HDAC9: variants seen among roughly 807,000 people sequenced by gnomAD.
HDAC9 encodes the protein histone deacetylase 9, also known as MEF-2 interacting transcription repressor (MITR) protein.
A neutral mutation model predicts 139.4 loss-of-function variants in HDAC9; 41 were observed. The ratio of observed to expected loss-of-function variants is 0.29; its 90% CI spans 0.23 to 0.38. HDAC9 has a LOEUF of 0.38. Ranked by LOEUF, HDAC9 falls within the 10% of genes least tolerant of loss-of-function variation. HDAC9 has a pLI of 1.00. For missense variants in HDAC9, 1,147 were observed against 1,297.0 expected (o/e 0.88, Z 1.78); for synonymous variants, 517 against 476.2 (o/e 1.09, Z -1.12).
At chr7:18,104,080 A>G (rs1783031199) in intron 1 of HDAC9, among the ~76,000 whole-genome samples, 1 of 152,188 alleles carries the variant, frequency 6.6e-6, no homozygotes, top group South Asian at 2.1e-4. Flanking sequence ...TGTGGGAGGA[A>G]ACCGGAGTAC....
upstream of HDAC9, among the ~76,000 whole-genome samples, chr7:18,286,646 A>G (rs918210284): frequency 6.6e-6 from 1 of 151,850 alleles, no homozygotes; most frequent in African/African-American, 2.4e-5. Context: ...GAATTATAAA[A>G]AGAGAGGTTT....
chr7:18,756,639 A>C (rs879626366), intron 14 of HDAC9, among the ~76,000 whole-genome samples: 3 of 152,234 alleles, frequency 2.0e-5, no homozygotes, highest in Non-Finnish European at 4.4e-5. Context: ...TAAGGCTAAA[A>C]ATGAGCTTTG....
intron 1 of HDAC9, among the ~76,000 whole-genome samples, chr7:18,399,341 G>GA (rs966493935): frequency 2.6e-5 from 4 of 151,428 alleles, no homozygotes; most frequent in Non-Finnish European, 4.4e-5. Context: ...GTCACAAAAA[G>GA]AAAAAAAATG....
At chr7:18,756,787 C>G (rs1028929561) in intron 14 of HDAC9, among the ~76,000 whole-genome samples, 3 of 152,110 alleles carry the variant, frequency 2.0e-5, no homozygotes, top group Non-Finnish European at 2.9e-5. Context: ...TTGCAATTCT[C>G]TTTTTTTCCA....
intron 1 of HDAC9, among the ~76,000 whole-genome samples, chr7:18,384,294 G>T (rs951145822): frequency 6.6e-6 from 1 of 151,752 alleles, no homozygotes; most frequent in Non-Finnish European, 1.5e-5. Context: ...AGGGACAGAG[G>T]GAGATCCTAT....
At chr7:18,625,264 C>T (rs191943877) in intron 6 of HDAC9, among the ~76,000 whole-genome samples, 2 of 152,130 alleles carry the variant, frequency 1.3e-5, no homozygotes, top group Non-Finnish European at 2.9e-5. Context: ...CTAATAATCT[C>T]TCTTTTCTTT....
At chr7:18,809,379 A>C (rs1352141223) in intron 17 of HDAC9, among the ~76,000 whole-genome samples, 1 of 152,058 alleles carries the variant, frequency 6.6e-6, no homozygotes, top group Non-Finnish European at 1.5e-5. Flanking sequence ...CAAAGAAAAC[A>C]ATCGACAAAA....
intron 17 of HDAC9, among the ~76,000 whole-genome samples, chr7:18,815,326 A>G (rs1404416952): frequency 6.6e-6 from 1 of 152,040 alleles, no homozygotes; most frequent in Non-Finnish European, 1.5e-5. Flanking sequence ...GGCCAATTGA[A>G]TTGTTGGGCC....
intron 17 of HDAC9, among the ~76,000 whole-genome samples, chr7:18,818,993 T>A (rs76476961): frequency 2.0e-4 from 31 of 151,552 alleles, no homozygotes; most frequent in Non-Finnish European, 3.8e-4. Context: ...AAAAAAAAAA[T>A]GTCTAGCCAG....
chr7:18,644,368 A>G (rs1207954506), intron 8 of HDAC9, among the ~76,000 whole-genome samples: 5 of 152,102 alleles, frequency 3.3e-5, no homozygotes, highest in African/African-American at 9.7e-5. Flanking sequence ...GAATTATCCA[A>G]TTTTATCATT....
chr7:18,414,309 A>T (rs1318772369), intron 1 of HDAC9, among the ~76,000 whole-genome samples: 1 of 152,172 alleles, frequency 6.6e-6, no homozygotes, highest in Non-Finnish European at 1.5e-5. Context: ...TGTCCATTAA[A>T]GGACAAAAAA....
At chr7:18,700,942 T>C (rs1783424366) in intron 12 of HDAC9, among the ~76,000 whole-genome samples, 1 of 152,172 alleles carries the variant, frequency 6.6e-6, no homozygotes, top group Non-Finnish European at 1.5e-5. Flanking sequence ...GGGAGGGAGC[T>C]ACTTAAAAGC....
Position 18,842,719 on chromosome 7 carries a change from T to C in HDAC9, c.2684+6722T>C, listed in dbSNP as rs1470826386. On this transcript the variant is annotated intron_variant, in intron 21 of 25. Coordinates refer to ENST00000686413, the MANE Select transcript of HDAC9 (RefSeq NM_178425.4). ...CATCTGTTCAACATATTGTACCAAT[T>C]TTCATCAAAAAATTACAATTTCTAG... 5.3e-5 allele frequency among the ~76,000 whole-genome samples: 8 copies of C among 152,262 alleles called. No homozygotes were observed. The South Asian group carries it at 1.5e-3, about 28-fold the overall frequency.
intron 22 of HDAC9, among the ~76,000 whole-genome samples, chr7:18,925,174 C>G (rs1393788714): frequency 6.6e-6 from 1 of 152,104 alleles, no homozygotes; most frequent in Admixed American, 6.6e-5. Context: ...GATTGTAGTA[C>G]TAATGCATTA....
At chr7:18,687,221 C>T (rs1159426894) in intron 12 of HDAC9, among the ~76,000 whole-genome samples, 1 of 151,732 alleles carries the variant, frequency 6.6e-6, no homozygotes, top group African/African-American at 2.4e-5. Context: ...CATTTTCCAG[C>T]ATAGGCAATA....
intron 2 of HDAC9, among the ~76,000 whole-genome samples, chr7:18,165,636 A>G (rs1029891847): frequency 2.6e-5 from 4 of 151,878 alleles, no homozygotes; most frequent in African/African-American, 9.7e-5. Flanking sequence ...AAAATTTTTT[A>G]AAAAATTGCT....
intron 2 of HDAC9, among the ~76,000 whole-genome samples, chr7:18,499,783 A>G (rs1401819588): frequency 5.3e-5 from 8 of 152,232 alleles, no homozygotes; most frequent in Non-Finnish European, 1.0e-4. Context: ...GGTATAAAAG[A>G]AAAACATTTA....
At chr7:18,644,584 G>GGTAA (rs1311297945) in intron 8 of HDAC9, 87 bp from the exon 9 acceptor site, 3 of 1,094,596 alleles carry the variant, frequency 2.7e-6, no homozygotes, top group Admixed American at 2.4e-5. Flanking sequence ...TCTTAATTAT[G>GGTAA]GTAAGACCCA....
At chr7:18,959,091 G>A (rs767714171) in intron 24 of HDAC9, among the ~76,000 whole-genome samples, 28 of 152,080 alleles carry the variant, frequency 1.8e-4, no homozygotes, top group African/African-American at 5.6e-4. Context: ...TCCATGCACC[G>A]TTGAATTCGT....
Sources: allele counts gnomAD v4.1 joint callset (sites outside exome capture counted in the v4.1 genomes callset), GRCh38; gene constraint gnomAD v4.1.1; transcripts MANE v1.5; gene names NCBI Gene and HGNC (gene_info 2026-07-23, HGNC 2026-07-21).